The following HDAC4 variants were observed in gnomAD, a reference collection of about 807,000 sequenced individuals.
HDAC4 encodes histone deacetylase 4, also known as histone deacetylase A.
Under a neutral mutation model 135.1 loss-of-function variants are expected in HDAC4, and 16 were observed. The ratio of observed to expected loss-of-function variants is 0.12; its 90% CI spans 0.08 to 0.18. The LOEUF is 0.18. Ranked by LOEUF, HDAC4 falls within the 10% of genes least tolerant of loss-of-function variation. The pLI, the probability that HDAC4 is intolerant of heterozygous loss-of-function variation, is 1.00. For synonymous variants in HDAC4, 685 were observed against 653.4 expected, an observed-to-expected ratio of 1.05 and a Z score of -0.74; for missense variants, 1,143 against 1,511.8, an observed-to-expected ratio of 0.76 and a Z score of 4.05.
At chr2:239,058,071 G>A (rs2032141724) in intron 24 of HDAC4, among the ~76,000 whole-genome samples, 1 of 152,240 alleles carries the variant, frequency 6.6e-6, no homozygotes, top group South Asian at 2.1e-4. Context: ...AAGTAGTTTT[G>A]CAGTGGAAGG....
intron 1 of HDAC4, among the ~76,000 whole-genome samples, chr2:239,372,496 G>A (rs62182157): frequency 0.23 from 35,596 of 152,110 alleles, 5,114 homozygotes; most frequent in Non-Finnish European, 0.34. Context: ...ACACACGCGC[G>A]CACACACACA....
intron 1 of HDAC4, among the ~76,000 whole-genome samples, chr2:239,359,222 C>T (rs1003775474): frequency 8.5e-5 from 13 of 152,228 alleles, no homozygotes; most frequent in African/African-American, 3.1e-4. Flanking sequence ...CTAGCTTCAA[C>T]GCCAGCCAAC....
chr2:239,189,870 G>A lies in HDAC4; in HGVS notation c.302C>T (p.Ser101Phe). ...AEFQRQHEQL[S>F]RQHEAQLHEH... ...GTGGAGCTGCGCCTCGTGCTGCCGG[G>A]AGAGCTGCTCGTGCTGCCTCTGGAA... Residue 101 changes from serine (S) to phenylalanine (F), a missense_variant, in exon 4 of 27, where the codon TCC becomes TTC. Coordinates refer to ENST00000543185, the MANE Select transcript of HDAC4 (RefSeq NM_001378414.1). 1.9e-6 allele frequency: 3 copies of A among 1,609,856 alleles called. No homozygotes were observed. Among genetic ancestry groups the A allele is most frequent in the African/African-American group, 1.3e-5 (1 of 74,970 alleles).
At chr2:239,168,631 C>G (rs552653697) in intron 5 of HDAC4, among the ~76,000 whole-genome samples, 2 of 152,338 alleles carry the variant, frequency 1.3e-5, no homozygotes, top group Non-Finnish European at 2.9e-5. Context: ...GCTGGCGGTG[C>G]TTCGTGTCCC....
intron 2 of HDAC4, among the ~76,000 whole-genome samples, chr2:239,275,769 A>G (rs2050322426): frequency 6.6e-6 from 1 of 152,120 alleles, no homozygotes; most frequent in Non-Finnish European, 1.5e-5. Flanking sequence ...GCAAGAAGGC[A>G]AGATAGAACG....
At position 239,163,914 on chromosome 2, in the gene HDAC4, G is replaced by A; in HGVS notation, c.500C>T (p.Ala167Val). 2 of 1,614,086 alleles carry A rather than the reference G, an allele frequency of 1.2e-6. No homozygotes were observed. The highest frequency in any genetic ancestry group is 1.7e-6 in the Non-Finnish European group (2 of 1,180,016). ...NKEKGKESAV[A>V]STEVKMKLQE... ...TAACTTCATCTTCACTTCTGTGCTG[G>A]CCACGGCACCTGGCGTGGGAGAAAG... The change falls in exon 6 of 27, where the codon GCC (alanine) becomes GTC (valine). Residue 167 changes from alanine (A) to valine (V), a missense_variant. Physicochemically the swap from Ala to Val is moderately conservative, Grantham distance 64. This residue lies in a region of HDAC4 where 247 missense variants were observed against 310.0 expected (regional missense o/e 0.80). Coordinates refer to ENST00000543185, the MANE Select transcript of HDAC4 (RefSeq NM_001378414.1).
At chr2:239,289,986 A>C (rs1264618366) in intron 2 of HDAC4, among the ~76,000 whole-genome samples, 1 of 152,244 alleles carries the variant, frequency 6.6e-6, no homozygotes. Context: ...AACAAATGAG[A>C]GAATAAAATT....
chr2:239,280,711 C>T (rs577663629), intron 2 of HDAC4, among the ~76,000 whole-genome samples: 2 of 152,190 alleles, frequency 1.3e-5, no homozygotes, highest in Non-Finnish European at 2.9e-5. Context: ...TGGCAAACTC[C>T]ATCCAAGTCT....
chr2:239,152,229 T>C (rs2042161245), intron 7 of HDAC4, among the ~76,000 whole-genome samples: 1 of 152,216 alleles, frequency 6.6e-6, no homozygotes, highest in South Asian at 2.1e-4. Context: ...TTAAATGCAG[T>C]TTCTGGTGAA....
intron 2 of HDAC4, among the ~76,000 whole-genome samples, chr2:239,246,449 G>C (rs2048466073): frequency 6.6e-6 from 1 of 152,248 alleles, no homozygotes; most frequent in Admixed American, 6.5e-5. Context: ...CCCGGGGGCT[G>C]AATGGGGCTG....
chr2:239,190,280 CCT>C (rs749043448), intron 3 of HDAC4, among the ~76,000 whole-genome samples: 176 of 152,170 alleles, frequency 1.2e-3, no homozygotes, highest in Non-Finnish European at 2.3e-3. Flanking sequence ...GGGGCCCATT[CCT>C]CAAGGGCAAA....
At position 239,120,240 on chromosome 2, in the gene HDAC4, A is replaced by G. The variant is rs115758297; in HGVS notation, c.1534-4930T>C. On this transcript the variant is annotated intron_variant, in intron 12 of 26. Coordinates refer to ENST00000543185, the MANE Select transcript of HDAC4 (RefSeq NM_001378414.1). ...CAGGTGGAATAAAGTCAAAGCTGGG[A>G]GCACAGAGGAGCTACGCAGAGCTGG... Among the ~76,000 whole-genome samples the G allele has an allele frequency of 6.5e-3, 991 of 152,284 alleles. 11 individuals are homozygous for G. The highest frequency in any genetic ancestry group is 0.023 in the African/African-American group (946 of 41,558).
At chr2:239,284,205 C>T (rs1040778877) in intron 2 of HDAC4, among the ~76,000 whole-genome samples, 1 of 152,222 alleles carries the variant, frequency 6.6e-6, no homozygotes, top group Non-Finnish European at 1.5e-5. Context: ...AGGACAGTGC[C>T]GGTCCTGAGC....
intron 1 of HDAC4, among the ~76,000 whole-genome samples, chr2:239,378,395 G>A (rs545563426): frequency 1.1e-4 from 17 of 152,166 alleles, no homozygotes; most frequent in African/African-American, 4.1e-4. Flanking sequence ...GGGGAACGAA[G>A]AGCTGAGTCA....
intron 2 of HDAC4, among the ~76,000 whole-genome samples, chr2:239,274,650 GC>G (rs2050246382): frequency 1.3e-5 from 2 of 152,220 alleles, no homozygotes; most frequent in Admixed American, 6.5e-5. Flanking sequence ...AAGCTGGGGG[GC>G]CCTGGGAACC....
rs922203794 is a variant in HDAC4 at position 239,299,334 on chromosome 2, T to C, written c.22+53344A>G. Among the ~76,000 whole-genome samples, 3 of 152,098 alleles carry C rather than the reference T, an allele frequency of 2.0e-5. No individual in the cohort carries two copies. Among genetic ancestry groups the C allele is most frequent in the Admixed American group, 2.0e-4 (3 of 15,274 alleles). On this transcript the variant is annotated intron_variant, in intron 2 of 26. Transcript: ENST00000543185. This position sits in a 1 kb window ranked among gnomAD's most constrained non-coding sequence, Gnocchi z 4.0. ...TATTTGTTTTGTTTCAAATGCCAAGTAGAGATATTTAAGTACAGGGACAGA... is the reference window on the plus strand; with the variant it reads ...TATTTGTTTTGTTTCAAATGCCAAGCAGAGATATTTAAGTACAGGGACAGA...
chr2:239,066,423 T>C lies in HDAC4; in HGVS notation c.3003+299A>G, dbSNP rs564369978. ...TCTGGTCACAGTGTGCTCCACGTAA[T>C]GGAGAGAGGGACCCTGAACTGAAAG... On this transcript the variant is annotated intron_variant, in intron 24 of 26. Transcript: ENST00000543185. Among the ~76,000 whole-genome samples the C allele has an allele frequency of 2.6e-3, 398 of 152,276 alleles. 1 individual carries two copies. The highest frequency in any genetic ancestry group is 4.5e-3 in the Non-Finnish European group (308 of 68,006).
chr2:239,316,077 A>G (rs1414782026), intron 2 of HDAC4, among the ~76,000 whole-genome samples: 1 of 152,258 alleles, frequency 6.6e-6, no homozygotes, highest in African/African-American at 2.4e-5. Flanking sequence ...AGCCAAAAGC[A>G]AAGACAGAAA....
At chr2:239,217,085 T>C (rs2046683422) in intron 3 of HDAC4, among the ~76,000 whole-genome samples, 1 of 152,080 alleles carries the variant, frequency 6.6e-6, no homozygotes. Context: ...CCCTGGGCCA[T>C]GGCAGGCTGC....
Sources: allele counts gnomAD v4.1 joint callset (sites outside exome capture counted in the v4.1 genomes callset), GRCh38; gene constraint gnomAD v4.1.1; regional missense constraint gnomAD v4.1.1; non-coding constraint Gnocchi (gnomAD v3.1); transcripts MANE v1.5; gene names NCBI Gene and HGNC (gene_info 2026-07-23, HGNC 2026-07-21).